The following ZNF813 variants were observed in gnomAD, a reference collection of about 807,000 sequenced individuals.
ZNF813 encodes zinc finger protein 813.
Under a neutral mutation model 7.2 loss-of-function variants are expected in ZNF813, and 3 were observed. The observed-to-expected ratio is 0.42, with a 90% CI of 0.19 to 1.08. The LOEUF (loss-of-function observed/expected upper bound fraction) is 1.08. Ranked by LOEUF, ZNF813 falls within the 50% of genes least tolerant of loss-of-function variation. The pLI is 0.30. For synonymous variants in ZNF813, 227 were observed against 256.3 expected (o/e 0.89, Z 1.09); for missense variants, 714 against 753.3 (o/e 0.95, Z 0.61).
chr19:53,486,116 A>T (rs775411511), intron 2 of ZNF813, among the ~76,000 whole-genome samples: 1 of 151,936 alleles, frequency 6.6e-6, no homozygotes, highest in Non-Finnish European at 1.5e-5. Context: ...TGAAGGCATC[A>T]CCCATACTCT....
At chr19:53,474,588 C>G in intron 1 of ZNF813, among the ~76,000 whole-genome samples, 1 of 151,948 alleles carries the variant, frequency 6.6e-6, no homozygotes, top group East Asian at 1.9e-4. Flanking sequence ...ACTGGGGAGG[C>G]TGAGGCAGAA....
intron 1 of ZNF813, among the ~76,000 whole-genome samples, chr19:53,481,649 A>T (rs2086409099): frequency 6.6e-6 from 1 of 152,052 alleles, no homozygotes; most frequent in Admixed American, 6.6e-5. Flanking sequence ...GAACCTGGCC[A>T]CCCATGTATT....
intron 1 of ZNF813, among the ~76,000 whole-genome samples, chr19:53,471,792 A>G (rs1265312891): frequency 7.8e-6 from 1 of 127,972 alleles, no homozygotes; most frequent in Non-Finnish European, 1.6e-5. Flanking sequence ...AGCCTGCGTG[A>G]CAGAGTGAGA....
chr19:53,489,762 A>G (rs1287259195), intron 3 of ZNF813, among the ~76,000 whole-genome samples: 1 of 152,062 alleles, frequency 6.6e-6, no homozygotes, highest in Non-Finnish European at 1.5e-5. Flanking sequence ...ACAGTGTTGC[A>G]ATCTCAGCTC....
intron 2 of ZNF813, among the ~76,000 whole-genome samples, chr19:53,485,137 C>A (rs2086426110): frequency 6.6e-6 from 1 of 152,068 alleles, no homozygotes; most frequent in South Asian, 2.1e-4. Context: ...AAAAAAAATA[C>A]TTTTTTGCAA....
chr19:53,477,570 T>A (rs1380820218), intron 1 of ZNF813, among the ~76,000 whole-genome samples: 1 of 152,124 alleles, frequency 6.6e-6, no homozygotes, highest in African/African-American at 2.4e-5. Flanking sequence ...AATCCCACCA[T>A]TTTTGGAGCC....
chr19:53,487,848 C>T (rs2086441484), intron 3 of ZNF813, among the ~76,000 whole-genome samples: 1 of 151,434 alleles, frequency 6.6e-6, no homozygotes, highest in Non-Finnish European at 1.5e-5. Flanking sequence ...TCTTTCTCCA[C>T]CAGAACTCTT....
chr19:53,469,487 A>T (rs1380727345), intron 1 of ZNF813, among the ~76,000 whole-genome samples: 1 of 152,192 alleles, frequency 6.6e-6, no homozygotes, highest in Non-Finnish European at 1.5e-5. Flanking sequence ...AGAATGAGAA[A>T]GACTCATAAC....
chr19:53,483,600 T>C, intron 1 of ZNF813, 150 bp from the exon 2 acceptor site: 1 of 782,720 alleles, frequency 1.3e-6, no homozygotes, highest in Non-Finnish European at 1.9e-6. Flanking sequence ...GGAGTGGGAG[T>C]TTTCCTGTAG....
chr19:53,480,266 C>G, intron 1 of ZNF813: 1 of 743,804 alleles, frequency 1.3e-6, no homozygotes, highest in Middle Eastern at 2.3e-4. Flanking sequence ...TCTGCCTCTT[C>G]CTGGAGATTC....
In ZNF813 at chr19:53,490,924, G is replaced by A. The variant is rs10421308; in HGVS notation, c.692G>A (p.Arg231Lys). 98,413 of 1,614,054 alleles carry A rather than the reference G, an allele frequency of 0.061. 3,468 individuals carry two copies. The highest frequency in any genetic ancestry group is 0.13 in the East Asian group (6,010 of 44,868). The change falls in exon 4 of 4, where the codon AGG (arginine) becomes AAG (lysine). Residue 231 changes from arginine (R) to lysine (K), a missense_variant. By Grantham distance (26) the Arg-to-Lys change is conservative. This residue lies in a region of ZNF813 where 563 missense variants were observed against 554.2 expected (regional missense o/e 1.02). Coordinates refer to ENST00000396403, the MANE Select transcript of ZNF813 (RefSeq NM_001004301.4). ...GKAFNYSSLL[R>K]KHQIIHLGEK... ...GCCTTTAATTATAGCTCACTCTTAA[G>A]GAAACATCAAATAATCCATTTAGGA...
At chr19:53,482,676 A>G (rs556741595) in intron 1 of ZNF813, among the ~76,000 whole-genome samples, 12 of 120,492 alleles carry the variant, frequency 1.0e-4, no homozygotes, top group South Asian at 5.4e-4. Context: ...CTCAGGTTCT[A>G]TTATCTCTGC....
At position 53,491,653 on chromosome 19, in the gene ZNF813, A is replaced by C. The variant is rs753478954; in HGVS notation, c.1421A>C (p.Lys474Thr). ...CGTTACAAGTGTAATGAGTGTGGCA[A>C]GACGTTCAGTCGAATTTCAGCCCTC... is the stretch of plus-strand genomic sequence containing the variant. ...EKRYKCNECG[K>T]TFSRISALVI... is the part of the protein sequence containing the mutation. Residue 474 changes from lysine to threonine, a missense_variant, in exon 4 of 4, where the codon AAG (lysine) becomes ACG (threonine). Lys to Thr is a moderately conservative substitution (Grantham distance 78, BLOSUM62 -1). Around this residue, in one of 3 missense-constraint regions of ZNF813, gnomAD observed 563 missense variants for 554.2 expected, o/e 1.02. Transcript: ENST00000396403. 2 of 1,613,986 alleles carry C rather than the reference A, an allele frequency of 1.2e-6. No individual in the cohort carries two copies. Among genetic ancestry groups the C allele is most frequent in the Admixed American group, 3.3e-5 (2 of 60,012 alleles).
intron 1 of ZNF813, among the ~76,000 whole-genome samples, chr19:53,478,348 T>C (rs946053949): frequency 6.6e-6 from 1 of 152,128 alleles, no homozygotes; most frequent in African/African-American, 2.4e-5. Context: ...ATTGTATTTT[T>C]TTTTTGTAGA....
rs1327458780 is a variant in ZNF813 at position 53,492,237 on chromosome 19, A to G, written c.*151A>G. 1.7e-6 allele frequency: 2 copies of G among 1,153,900 alleles called. No individual in the cohort carries two copies. The highest frequency in any genetic ancestry group is 1.2e-6 in the Non-Finnish European group (1 of 809,146). The allele number at this position is 1,153,900 out of a possible 1,614,324, so 71.5% of individuals were successfully genotyped here. ...GTGTAATGAACGTTGCAAAATTTTT[A>G]ATCAACAAGCACACCTTCCACGTCA... is the stretch of plus-strand genomic sequence containing the variant. On this transcript the variant is annotated 3_prime_UTR_variant, in exon 4 of 4. Coordinates refer to ENST00000396403, the MANE Select transcript of ZNF813 (RefSeq NM_001004301.4).
intron 1 of ZNF813, chr19:53,480,229 C>T (rs2617683): frequency 1.2e-5 from 9 of 753,984 alleles, no homozygotes; most frequent in Middle Eastern, 2.3e-4. Flanking sequence ...ACCCCCTCCT[C>T]CCCTGCCTCT....
intron 1 of ZNF813, among the ~76,000 whole-genome samples, chr19:53,477,908 G>A (rs1156635652): frequency 6.6e-6 from 1 of 152,086 alleles, no homozygotes; most frequent in Non-Finnish European, 1.5e-5. Flanking sequence ...TGACTTCTGT[G>A]TATATAATCT....
At chr19:53,479,029 G>T (rs976404613) in intron 1 of ZNF813, among the ~76,000 whole-genome samples, 37 of 151,704 alleles carry the variant, frequency 2.4e-4, no homozygotes, top group Admixed American at 2.2e-3. Context: ...CTGCCTCCTG[G>T]GTTCAAGTGA....
Position 53,491,570 on chromosome 19 carries a change from G to A in ZNF813, c.1338G>A (p.Lys446=). The change falls in exon 4 of 4, where the codon AAG becomes AAA. Residue 446 remains lysine (K), a synonymous_variant. Transcript: ENST00000396403. ...CCTACAAGTGTACTGAGTGTGTCAA[G>A]ACGTTCAGTCGAAATTCAGCCCTTG... The part of the protein sequence containing the change: ...EKPYKCTECV[K]TFSRNSALVI... 6.2e-7 allele frequency: 1 copy of A among 1,611,280 alleles called. No individual in the cohort carries two copies. Among genetic ancestry groups the A allele is most frequent in the Non-Finnish European group, 8.5e-7 (1 of 1,178,108 alleles).
Sources: allele counts gnomAD v4.1 joint callset (sites outside exome capture counted in the v4.1 genomes callset), GRCh38; gene constraint gnomAD v4.1.1; regional missense constraint gnomAD v4.1.1; transcripts MANE v1.5; gene names NCBI Gene and HGNC (gene_info 2026-07-23, HGNC 2026-07-21).